Variants in HLCS observed in about 807,000 individuals in gnomAD.
The protein encoded by HLCS is holocarboxylase synthetase.
Under a neutral mutation model 75.0 loss-of-function variants are expected in HLCS, and 53 were observed. The observed-to-expected ratio is 0.71, with a 90% confidence interval of 0.57 to 0.89. The LOEUF is 0.89. Ranked by LOEUF, HLCS falls within the 40% of genes least tolerant of loss-of-function variation. HLCS has a pLI of 0.00. For missense variants in HLCS, 966 were observed against 1,074.0 expected (o/e 0.90, Z 1.41); for synonymous variants, 431 against 428.6 (o/e 1.01, Z -0.07).
chr21:36,839,497 A>T (rs2062542620), intron 6 of HLCS, among the ~76,000 whole-genome samples: 1 of 152,224 alleles, frequency 6.6e-6, no homozygotes, highest in African/African-American at 2.4e-5. Context: ...TAATTCTTGA[A>T]AGAAGGGAGA....
intron 6 of HLCS, among the ~76,000 whole-genome samples, chr21:36,801,386 T>C (rs755167555): frequency 6.6e-6 from 1 of 152,242 alleles, no homozygotes; most frequent in Admixed American, 6.5e-5. Flanking sequence ...CCACATTCTA[T>C]TATAACAATC....
intron 10 of HLCS, among the ~76,000 whole-genome samples, chr21:36,755,502 A>G (rs1268122722): frequency 6.6e-6 from 1 of 152,234 alleles, no homozygotes; most frequent in East Asian, 1.9e-4. Flanking sequence ...CTCCCATAAA[A>G]TTATAATAGC....
intron 6 of HLCS, among the ~76,000 whole-genome samples, chr21:36,834,060 A>C (rs1162817353): frequency 6.6e-6 from 1 of 152,210 alleles, no homozygotes; most frequent in Non-Finnish European, 1.5e-5. Context: ...TAATGTACAG[A>C]GGGCTGACTT....
At chr21:36,809,913 A>G (rs745747849) in intron 6 of HLCS, among the ~76,000 whole-genome samples, 9 of 151,958 alleles carry the variant, frequency 5.9e-5, no homozygotes, top group Non-Finnish European at 8.8e-5. Context: ...TAATTTTTGT[A>G]TTTTTTGTAG....
intron 6 of HLCS, among the ~76,000 whole-genome samples, chr21:36,768,490 G>A (rs2090121009): frequency 6.6e-6 from 1 of 152,230 alleles, no homozygotes; most frequent in Non-Finnish European, 1.5e-5. Flanking sequence ...TGTGTCCACT[G>A]TGCACCCATG....
At chr21:36,817,083 G>A (rs891402322) in intron 6 of HLCS, among the ~76,000 whole-genome samples, 10 of 152,172 alleles carry the variant, frequency 6.6e-5, no homozygotes, top group Non-Finnish European at 1.5e-4. Context: ...AAGAGTAAGC[G>A]TTCGATGAAG....
intron 5 of HLCS, among the ~76,000 whole-genome samples, chr21:36,904,270 G>T (rs1171136929): frequency 6.6e-6 from 1 of 152,144 alleles, no homozygotes; most frequent in Non-Finnish European, 1.5e-5. Context: ...TTATGTGCAT[G>T]CAAGTTGAGA....
intron 5 of HLCS, among the ~76,000 whole-genome samples, chr21:36,914,860 C>A (rs1042827704): frequency 1.9e-4 from 29 of 152,208 alleles, no homozygotes; most frequent in Non-Finnish European, 1.6e-4. Flanking sequence ...TAAGCCTGCC[C>A]AAGGAAAACG....
chr21:36,774,115 T>C (rs899692250), intron 6 of HLCS, among the ~76,000 whole-genome samples: 2 of 152,130 alleles, frequency 1.3e-5, no homozygotes, highest in Non-Finnish European at 1.5e-5. Flanking sequence ...ATGAGACAGC[T>C]GTGCAACGCA....
chr21:36,971,554 C>T (rs141830357), upstream of HLCS, among the ~76,000 whole-genome samples: 691 of 152,172 alleles, frequency 4.5e-3, 8 homozygotes, highest in African/African-American at 0.016. Context: ...GCCGGCTGGG[C>T]GCGGTGGCTC....
chr21:36,919,608 A>G (rs1172886482), intron 5 of HLCS, among the ~76,000 whole-genome samples: 1 of 152,248 alleles, frequency 6.6e-6, no homozygotes, highest in Non-Finnish European at 1.5e-5. Flanking sequence ...CAACTGTCAT[A>G]AATAATGGGG....
At chr21:36,794,894 G>A (rs2060980774) in intron 6 of HLCS, among the ~76,000 whole-genome samples, 1 of 152,070 alleles carries the variant, frequency 6.6e-6, no homozygotes, top group African/African-American at 2.4e-5. Context: ...AAAAGCAGGA[G>A]GCAAGGGCTG....
At chr21:36,868,095 A>G (rs1404397505) in intron 6 of HLCS, among the ~76,000 whole-genome samples, 4 of 151,874 alleles carry the variant, frequency 2.6e-5, no homozygotes, top group Non-Finnish European at 4.4e-5. Context: ...GGTTGTAATG[A>G]GCCAAGATCA....
intron 6 of HLCS, among the ~76,000 whole-genome samples, chr21:36,789,959 T>C (rs938156778): frequency 1.3e-5 from 2 of 152,198 alleles, no homozygotes; most frequent in African/African-American, 2.4e-5. Flanking sequence ...GTGGTATCAA[T>C]GGGTCAAGGA....
At chr21:36,984,873 G>T (rs985336498) in intron 1 of HLCS, among the ~76,000 whole-genome samples, 8 of 143,434 alleles carry the variant, frequency 5.6e-5, no homozygotes, top group South Asian at 4.4e-4. Flanking sequence ...TCTTTTTCTT[G>T]TTTTTTTTTT....
chr21:36,916,932 G>C (rs2065958959), intron 5 of HLCS, among the ~76,000 whole-genome samples: 2 of 152,140 alleles, frequency 1.3e-5, no homozygotes, highest in Non-Finnish European at 1.5e-5. Context: ...AATAGGGTCT[G>C]GGCTTTGTGG....
chr21:36,773,696 A>G (rs978603177), intron 6 of HLCS, among the ~76,000 whole-genome samples: 7 of 152,192 alleles, frequency 4.6e-5, no homozygotes, highest in African/African-American at 1.4e-4. Context: ...AAGAAAGCCA[A>G]TGGGAGGTGG....
intron 6 of HLCS, among the ~76,000 whole-genome samples, chr21:36,783,724 G>C (rs1361673878): frequency 2.0e-5 from 3 of 152,146 alleles, no homozygotes; most frequent in Non-Finnish European, 2.9e-5. Flanking sequence ...CAGATGTCAG[G>C]TCTGCCAGAT....
intron 6 of HLCS, among the ~76,000 whole-genome samples, chr21:36,832,625 G>A (rs1165332369): frequency 1.3e-5 from 2 of 152,204 alleles, no homozygotes; most frequent in Non-Finnish European, 2.9e-5. Flanking sequence ...GGCATAGAAA[G>A]GTTAAGTGAC....
Sources: gnomAD v4.1 joint callset for allele counts (sites outside exome capture counted in the v4.1 genomes callset) on GRCh38, gnomAD v4.1.1 for gene constraint, MANE v1.5 for transcripts, NCBI Gene and HGNC (gene_info 2026-07-23, HGNC 2026-07-21) for gene names.